NTN1: variants seen among roughly 807,000 people sequenced by gnomAD.
NTN1 encodes netrin 1.
A neutral mutation model predicts 54.2 loss-of-function variants in NTN1; 11 were observed. The observed-to-expected ratio is 0.20, with a 90% CI of 0.13 to 0.34. The LOEUF (loss-of-function observed/expected upper bound fraction) is 0.34. Ranked by LOEUF, NTN1 falls within the 10% of genes least tolerant of loss-of-function variation. NTN1 has a pLI of 1.00. For synonymous variants in NTN1, 371 were observed against 382.0 expected, an observed-to-expected ratio of 0.97 and a Z score of 0.33; for missense variants, 740 against 893.1, an observed-to-expected ratio of 0.83 and a Z score of 2.18.
chr17:9,186,477 C>T (rs1034340952), intron 5 of NTN1, among the ~76,000 whole-genome samples: 1 of 152,264 alleles, frequency 6.6e-6, no homozygotes, highest in Non-Finnish European at 1.5e-5. Context: ...CACCTCCCAA[C>T]AGGGATCCCG....
At chr17:9,134,735 G>A (rs2092275829) in intron 2 of NTN1, among the ~76,000 whole-genome samples, 1 of 152,218 alleles carries the variant, frequency 6.6e-6, no homozygotes, top group African/African-American at 2.4e-5. Flanking sequence ...TAGGTGCGAA[G>A]TGAACATGCA....
Position 9,219,555 on chromosome 17 carries a change from A to G in NTN1, c.1412-1613A>G, listed in dbSNP as rs1458739647. On this transcript the variant is annotated intron_variant, in intron 5 of 6. Coordinates refer to ENST00000173229, the MANE Select transcript of NTN1 (RefSeq NM_004822.3). This position sits in a 1 kb window ranked among gnomAD's most constrained non-coding sequence, Gnocchi z 4.5. Reference sequence around the variant, plus strand: ...CCCCAAGGTAGTGGGATAGAGCTGCATTGATCTTCATTGAGGCACCAGTCA... The same window carrying G: ...CCCCAAGGTAGTGGGATAGAGCTGCGTTGATCTTCATTGAGGCACCAGTCA... 6.6e-6 allele frequency among the ~76,000 whole-genome samples: 1 copy of G among 152,214 alleles called. No individual in the cohort carries two copies. Among genetic ancestry groups the G allele is most frequent in the African/African-American group, 2.4e-5 (1 of 41,460 alleles).
chr17:9,099,175 G>A (rs991170228), intron 2 of NTN1, among the ~76,000 whole-genome samples: 11 of 152,200 alleles, frequency 7.2e-5, no homozygotes, highest in Admixed American at 5.2e-4. Flanking sequence ...AGGCTGAGGC[G>A]GGTGGATCAC....
At chr17:9,209,229 A>G (rs1411518884) in intron 5 of NTN1, among the ~76,000 whole-genome samples, 1 of 152,190 alleles carries the variant, frequency 6.6e-6, no homozygotes, top group East Asian at 1.9e-4. Context: ...ATGACCCCAG[A>G]TCATAGGTTG....
intron 2 of NTN1, among the ~76,000 whole-genome samples, chr17:9,042,698 A>T (rs2091926647): frequency 6.6e-6 from 1 of 152,034 alleles, no homozygotes; most frequent in South Asian, 2.1e-4. Flanking sequence ...GAGGCAGAAG[A>T]ATCACTTGAA....
chr17:9,130,933 T>C (rs2092262752), intron 2 of NTN1, among the ~76,000 whole-genome samples: 2 of 152,198 alleles, frequency 1.3e-5, no homozygotes, highest in Admixed American at 1.3e-4. Context: ...GGCCAGACTC[T>C]CCTACACCAG....
At chr17:9,152,221 C>G (rs117246111) in intron 2 of NTN1, among the ~76,000 whole-genome samples, 1 of 152,140 alleles carries the variant, frequency 6.6e-6, no homozygotes, top group Admixed American at 6.6e-5. Context: ...TTGAAGTGAG[C>G]GAGACCGGGA....
At position 9,219,302 on chromosome 17, in the gene NTN1, C is replaced by A. The variant is rs539783898; in HGVS notation, c.1412-1866C>A. Among the ~76,000 whole-genome samples, 1 of 152,266 alleles carries A rather than the reference C, an allele frequency of 6.6e-6. No individual in the cohort carries two copies. Among genetic ancestry groups the A allele is most frequent in the South Asian group, 2.1e-4 (1 of 4,820 alleles). On this transcript the variant is annotated intron_variant, in intron 5 of 6. Transcript: ENST00000173229. This position sits in a 1 kb window ranked among gnomAD's most constrained non-coding sequence, Gnocchi z 4.5. ...CTCTGGACAGCCCAGTCCCTGCACC[C>A]CAAGAAATCCCTACTCTAGTAACCA...
intron 2 of NTN1, among the ~76,000 whole-genome samples, chr17:9,036,612 G>A (rs1357543810): frequency 6.6e-6 from 1 of 151,856 alleles, no homozygotes; most frequent in Admixed American, 6.6e-5. Flanking sequence ...AGTAATACTG[G>A]GAAGCAAAGG....
At chr17:9,077,889 G>A (rs2092056679) in intron 2 of NTN1, among the ~76,000 whole-genome samples, 1 of 152,168 alleles carries the variant, frequency 6.6e-6, no homozygotes, top group African/African-American at 2.4e-5. Flanking sequence ...GGAGGCTTAT[G>A]GGGGTCCTGG....
chr17:9,238,443 T>A (rs1399120001), intron 6 of NTN1, among the ~76,000 whole-genome samples: 1 of 152,106 alleles, frequency 6.6e-6, no homozygotes, highest in Non-Finnish European at 1.5e-5. Flanking sequence ...AGTGAGTGGA[T>A]GGCTGTTTCT....
chr17:9,102,509 T>C (rs111914880), intron 2 of NTN1, among the ~76,000 whole-genome samples: 1 of 152,208 alleles, frequency 6.6e-6, no homozygotes, highest in African/African-American at 2.4e-5. Flanking sequence ...ATGGGGATTA[T>C]GGGAACGACA....
chr17:9,182,920 C>T lies in NTN1; in HGVS notation c.1362C>T (p.Ile454=), dbSNP rs764146877. ...CCCGTCTTGAACCTCACAAAGAGAT[C>T]CCTGTAGCGCCGCCGACGACTGCAG... The part of the protein sequence containing the change: ...SRSPIAPCIK[I]PVAPPTTAAS... Residue 454 remains isoleucine (I), a synonymous_variant, in exon 5 of 7, where the codon ATC becomes ATT. Transcript: ENST00000173229. The T allele has an allele frequency of 3.7e-6, 6 of 1,614,000 alleles. No individual in the cohort carries two copies. Among genetic ancestry groups the T allele is most frequent in the Non-Finnish European group, 5.1e-6 (6 of 1,180,024 alleles).
chr17:9,057,160 CTCT>C (rs1281897468), intron 2 of NTN1, among the ~76,000 whole-genome samples: 1 of 151,228 alleles, frequency 6.6e-6, no homozygotes, highest in Non-Finnish European at 1.5e-5. Context: ...GAGCCCTGTC[CTCT>C]TCTTTTTGCC....
At chr17:9,185,138 C>A (rs1018408530) in intron 5 of NTN1, among the ~76,000 whole-genome samples, 1 of 152,192 alleles carries the variant, frequency 6.6e-6, no homozygotes, top group Non-Finnish European at 1.5e-5. Flanking sequence ...CTGCCCTACT[C>A]TGGGGGTCCT....
chr17:9,052,521 G>T (rs2091964518), intron 2 of NTN1, among the ~76,000 whole-genome samples: 1 of 152,194 alleles, frequency 6.6e-6, no homozygotes. Context: ...ATATATATGA[G>T]AGAGAAGGAG....
chr17:9,147,175 G>A (rs993514515), intron 2 of NTN1, among the ~76,000 whole-genome samples: 1 of 152,150 alleles, frequency 6.6e-6, no homozygotes, highest in Non-Finnish European at 1.5e-5. Context: ...GCTCTGCTGC[G>A]CAGTCCCTCC....
At chr17:9,021,220 G>T (rs907085459), upstream of NTN1, among the ~76,000 whole-genome samples, 1 of 151,358 alleles carries the variant, frequency 6.6e-6, no homozygotes, top group Admixed American at 6.6e-5. Context: ...GACAGTCCCC[G>T]GCGGCCCCTC....
chr17:9,117,536 G>A (rs992744230), intron 2 of NTN1, among the ~76,000 whole-genome samples: 7 of 152,060 alleles, frequency 4.6e-5, no homozygotes, highest in Admixed American at 3.9e-4. Context: ...ACAAGGTCAG[G>A]AGTTCGAGAC....
Sources: gnomAD v4.1 joint callset for allele counts (sites outside exome capture counted in the v4.1 genomes callset) on GRCh38, gnomAD v4.1.1 for gene constraint, Gnocchi (gnomAD v3.1) non-coding constraint, MANE v1.5 for transcripts, NCBI Gene and HGNC (gene_info 2026-07-23, HGNC 2026-07-21) for gene names.